Variants in EEA1 observed in about 807,000 individuals in gnomAD.
The protein encoded by EEA1 is early endosome antigen 1.
A neutral mutation model predicts 209.2 loss-of-function variants in EEA1; 111 were observed. The observed-to-expected ratio is 0.53, with a 90% CI of 0.45 to 0.62. The LOEUF is 0.62. EEA1 is among the 20% of genes least tolerant of loss of function. EEA1 has a pLI of 0.00. For synonymous variants in EEA1, 536 were observed against 540.6 expected, an observed-to-expected ratio of 0.99 and a Z score of 0.12; for missense variants, 1,343 against 1,530.8, an observed-to-expected ratio of 0.88 and a Z score of 2.05.
At chr12:92,862,040 GAAGGCTTTA>G (rs1437351596) in intron 3 of EEA1, among the ~76,000 whole-genome samples, 1 of 152,140 alleles carries the variant, frequency 6.6e-6, no homozygotes, top group Non-Finnish European at 1.5e-5. Flanking sequence ...CTGATGAACA[GAAGGCTTTA>G]AAGCAAAAAG....
At chr12:92,788,675 T>G (rs1565808307) in intron 21 of EEA1, among the ~76,000 whole-genome samples, 1 of 152,216 alleles carries the variant, frequency 6.6e-6, no homozygotes, top group African/African-American at 2.4e-5. Context: ...TATTTGACTT[T>G]CAAAATATAC....
At chr12:92,906,334 T>C (rs996817701) in intron 1 of EEA1, among the ~76,000 whole-genome samples, 2 of 152,040 alleles carry the variant, frequency 1.3e-5, no homozygotes, top group Non-Finnish European at 2.9e-5. Context: ...GCGCAAGCAA[T>C]CCACCTGCCT....
chr12:92,833,327 CT>C (rs1258035092), intron 10 of EEA1, among the ~76,000 whole-genome samples: 1 of 152,102 alleles, frequency 6.6e-6, no homozygotes, highest in Non-Finnish European at 1.5e-5. Context: ...TTATGCTCTT[CT>C]TGTTAAAGAC....
At position 92,772,050 on chromosome 12, in the gene EEA1, G is replaced by C. The variant is rs1313151024; in HGVS notation, c.*3961C>G. 1 of 151,488 alleles carries C rather than the reference G, an allele frequency of 6.6e-6. No individual in the cohort carries two copies. Among genetic ancestry groups the C allele is most frequent in the Non-Finnish European group, 1.5e-5 (1 of 67,770 alleles). The allele number at this position is 151,488 out of a possible 1,614,324, so 9.4% of individuals were successfully genotyped here. On this transcript the variant is annotated 3_prime_UTR_variant, in exon 29 of 29. Coordinates refer to ENST00000322349, the MANE Select transcript of EEA1 (RefSeq NM_003566.4). ...GCACATTCGAATGAAGGGATCACGG[G>C]GGTCAGAACAAAAACCATTCTAGAA... is the stretch of plus-strand genomic sequence containing the variant.
chr12:92,793,111 G>C (rs1874487861), intron 21 of EEA1, among the ~76,000 whole-genome samples: 1 of 152,070 alleles, frequency 6.6e-6, no homozygotes. Context: ...CAACAAACTA[G>C]ATATTGAGGG....
chr12:92,791,227 A>G (rs1592703885), intron 21 of EEA1, among the ~76,000 whole-genome samples: 1 of 152,348 alleles, frequency 6.6e-6, no homozygotes, highest in East Asian at 1.9e-4. Flanking sequence ...AACGGGCAAA[A>G]TAACCAGCGA....
intron 21 of EEA1, among the ~76,000 whole-genome samples, chr12:92,798,667 A>G (rs913131438): frequency 2.0e-5 from 3 of 152,176 alleles, no homozygotes; most frequent in African/African-American, 7.2e-5. Context: ...TGATTAGTAC[A>G]ATAATTTTAA....
intron 10 of EEA1, among the ~76,000 whole-genome samples, chr12:92,841,228 T>C (rs1877149192): frequency 6.6e-6 from 1 of 152,232 alleles, no homozygotes; most frequent in Non-Finnish European, 1.5e-5. Context: ...GACAGTCTTT[T>C]CTACAAATGT....
intron 1 of EEA1, among the ~76,000 whole-genome samples, chr12:92,917,139 G>T (rs1213518640): frequency 2.1e-5 from 3 of 140,958 alleles, no homozygotes; most frequent in South Asian, 2.4e-4. Flanking sequence ...GAAAGTGATG[G>T]GGAGAATGGA....
intron 1 of EEA1, among the ~76,000 whole-genome samples, chr12:92,907,587 T>C (rs576526413): frequency 6.6e-6 from 1 of 152,294 alleles, no homozygotes; most frequent in African/African-American, 2.4e-5. Context: ...ATCTCTCACC[T>C]GGACGATAAA....
intron 18 of EEA1, among the ~76,000 whole-genome samples, chr12:92,805,819 T>C (rs1875177286): frequency 6.6e-6 from 1 of 152,150 alleles, no homozygotes. Context: ...CCAGAGACAT[T>C]TGAAATTTCA....
chr12:92,797,097 T>C (rs1874686387), intron 21 of EEA1, among the ~76,000 whole-genome samples: 1 of 152,236 alleles, frequency 6.6e-6, no homozygotes, highest in Non-Finnish European at 1.5e-5. Flanking sequence ...TGTTTTGTTT[T>C]GCTTTTTTGA....
chr12:92,818,061 C>T (rs996901595), intron 14 of EEA1, among the ~76,000 whole-genome samples: 2 of 152,136 alleles, frequency 1.3e-5, no homozygotes, highest in African/African-American at 4.8e-5. Context: ...TTTACAAGTA[C>T]AAAACTTGGC....
chr12:92,782,808 C>CACCCACA (rs1276229840), intron 22 of EEA1, among the ~76,000 whole-genome samples: 2 of 152,170 alleles, frequency 1.3e-5, no homozygotes, highest in Admixed American at 6.5e-5. Flanking sequence ...TTCCCCACCC[C>CACCCACA]ATTTTCTGAT....
At chr12:92,804,633 G>A (rs887625882) in intron 18 of EEA1, among the ~76,000 whole-genome samples, 4 of 151,134 alleles carry the variant, frequency 2.6e-5, no homozygotes, top group African/African-American at 9.7e-5. Context: ...CTCAATATTT[G>A]GAAAGTAAAC....
At chr12:92,808,047 A>G (rs1252465747) in intron 18 of EEA1, among the ~76,000 whole-genome samples, 2 of 152,220 alleles carry the variant, frequency 1.3e-5, no homozygotes, top group Non-Finnish European at 2.9e-5. Context: ...ATGGTATATT[A>G]AAAATATCTT....
chr12:92,830,448 C>T (rs1876575469), intron 11 of EEA1, among the ~76,000 whole-genome samples: 1 of 152,004 alleles, frequency 6.6e-6, no homozygotes, highest in Admixed American at 6.6e-5. Context: ...CCTATATTAG[C>T]TCGCTTAGGA....
intron 17 of EEA1, among the ~76,000 whole-genome samples, chr12:92,809,967 G>A (rs1356394082): frequency 6.6e-6 from 1 of 152,110 alleles, no homozygotes; most frequent in African/African-American, 2.4e-5. Flanking sequence ...TTAAGTTCCT[G>A]ATTTTGCTTC....
intron 20 of EEA1, 138 bp downstream of exon 20, chr12:92,801,462 G>A (rs917571239): frequency 4.0e-6 from 2 of 502,426 alleles, no homozygotes; most frequent in Non-Finnish European, 6.7e-6. Context: ...GTATGAAAAT[G>A]CTTATTTTTC....
Sources: gnomAD v4.1 joint callset for allele counts (sites outside exome capture counted in the v4.1 genomes callset) on GRCh38, gnomAD v4.1.1 for gene constraint, MANE v1.5 for transcripts, NCBI Gene and HGNC (gene_info 2026-07-23, HGNC 2026-07-21) for gene names.